Variants in RIN2 observed in about 807,000 individuals in gnomAD.
RIN2 encodes the protein RAB5 interacting protein 2.
Under a neutral mutation model 78.0 loss-of-function variants are expected in RIN2, and 36 were observed. The ratio of observed to expected loss-of-function variants is 0.46; its 90% CI spans 0.35 to 0.61. The LOEUF (loss-of-function observed/expected upper bound fraction) is 0.61, where lower values mean the gene tolerates loss of function less well. Ranked by LOEUF, RIN2 falls within the 20% of genes least tolerant of loss-of-function variation. RIN2 has a pLI of 0.00. For missense variants in RIN2, 1,087 were observed against 1,159.7 expected (o/e 0.94, Z 0.91); for synonymous variants, 466 against 466.8 (o/e 1.00, Z 0.02).
chr20:19,876,407 A>C (rs2037856132), intron 2 of RIN2, among the ~76,000 whole-genome samples: 1 of 152,214 alleles, frequency 6.6e-6, no homozygotes, highest in South Asian at 2.1e-4. Context: ...ATTCAAAAAA[A>C]GGGAAGAGGA....
chr20:19,845,418 T>C (rs1447914193), intron 2 of RIN2, among the ~76,000 whole-genome samples: 2 of 152,224 alleles, frequency 1.3e-5, no homozygotes, highest in South Asian at 4.1e-4. Context: ...TTTTTAATGA[T>C]CACCATTCTA....
Position 19,929,693 on chromosome 20 carries a change from G to A in RIN2, c.58-5406G>A, listed in dbSNP as rs1036144733. ...ACCAACTGCTATTGGCTTTGTCATG[G>A]GAAAGCTGACATTAAAACTGGCCTC... is the stretch of plus-strand genomic sequence containing the variant. On this transcript the variant is annotated intron_variant, in intron 3 of 12. Transcript: ENST00000255006. 2.6e-5 allele frequency among the ~76,000 whole-genome samples: 4 copies of A among 152,102 alleles called. 1 individual carries two copies. The South Asian group carries it at 8.3e-4, about 32-fold the overall frequency.
Position 20,000,622 on chromosome 20 carries a change from C to T in RIN2, c.2374C>T (p.Arg792Ter), listed in dbSNP as rs774575230. Residue 792 changes from arginine to a stop codon, truncating the protein, a stop_gained, in exon 13 of 13, where the codon CGA becomes TGA. Coordinates refer to ENST00000255006, the MANE Select transcript of RIN2 (RefSeq NM_018993.4). LOFTEE classifies it high-confidence loss of function. ...CCTCTTCCACCTGCAGAATTACCTC[C>T]GAGTTGCATTTCAGGAGGTCAACAG... is the stretch of plus-strand genomic sequence containing the variant. ...PSVDDFQNYL[R>*]VAFQEVNSGC... The T allele has an allele frequency of 1.9e-6, 3 of 1,595,006 alleles. No homozygotes were observed. The highest frequency in any genetic ancestry group is 1.7e-5 in the Admixed American group (1 of 59,196).
At chr20:19,769,758 G>T (rs982219121) in intron 1 of RIN2, among the ~76,000 whole-genome samples, 2 of 152,186 alleles carry the variant, frequency 1.3e-5, no homozygotes, top group African/African-American at 2.4e-5. Flanking sequence ...AGGGCCATAT[G>T]AAATCAGATA....
At chr20:19,969,268 A>ATG (rs2042030222) in intron 7 of RIN2, among the ~76,000 whole-genome samples, 1 of 152,210 alleles carries the variant, frequency 6.6e-6, no homozygotes, top group East Asian at 1.9e-4. Context: ...AATTCTCAGC[A>ATG]CGTCTCATGA....
rs754261867 is a variant in RIN2, at chr20:19,975,553, C to T, written c.1528C>T (p.Pro510Ser). 1 of 1,614,032 alleles carries T rather than the reference C, an allele frequency of 6.2e-7. No individual in the cohort carries two copies. The highest frequency in any genetic ancestry group is 2.2e-5 in the East Asian group (1 of 44,872). ...VSGVFSSFMT[P>S]EKRMVRRIAE... ...CGGGGTGTTCAGCTCCTTCATGACC[C>T]CGGAGAAGCGGATGGTCCGCAGGAT... The change falls in exon 9 of 13, where the codon CCG becomes TCG. Residue 510 changes from proline (P) to serine (S), a missense_variant. By Grantham distance (74) the Pro-to-Ser change is moderately conservative. Transcript: ENST00000255006. This position sits in a 1 kb window ranked among gnomAD's most constrained non-coding sequence, Gnocchi z 4.9.
At chr20:19,846,080 G>T (rs2123134725) in intron 2 of RIN2, among the ~76,000 whole-genome samples, 1 of 152,184 alleles carries the variant, frequency 6.6e-6, no homozygotes, top group East Asian at 1.9e-4. Context: ...CTGTTCCATT[G>T]GTCTATCTAC....
chr20:19,908,478 G>A (rs1440977212), intron 3 of RIN2, among the ~76,000 whole-genome samples: 3 of 146,350 alleles, frequency 2.0e-5, no homozygotes, highest in African/African-American at 2.5e-5. Flanking sequence ...GCCACAGAGC[G>A]AGACTCCGTC....
rs959744139 is a variant in RIN2 at position 19,764,923 on chromosome 20, T to G, written c.-163+6596T>G. 8.3e-3 allele frequency among the ~76,000 whole-genome samples: 948 copies of G among 113,832 alleles called. 19 individuals carry two copies. Among genetic ancestry groups the G allele is most frequent in the Non-Finnish European group, 0.014 (771 of 55,848 alleles). 74.7% of individuals were successfully genotyped at this position (113,832 alleles called of 152,430 possible). A position where few individuals can be genotyped will look rare whatever the true frequency, so the allele number is the denominator to read the frequency against. ...AGTCCCACTTCACTTTCTGCGTTTTTTTTTTTTTTTTTTTTTTTTTGACAG... is the reference window on the plus strand; with the variant it reads ...AGTCCCACTTCACTTTCTGCGTTTTGTTTTTTTTTTTTTTTTTTTTGACAG... On this transcript the variant is annotated intron_variant, in intron 1 of 12. Transcript: ENST00000255006.
intron 2 of RIN2, among the ~76,000 whole-genome samples, chr20:19,825,387 A>G (rs569926327): frequency 2.0e-5 from 3 of 152,312 alleles, no homozygotes; most frequent in Non-Finnish European, 4.4e-5. Context: ...ATCATTAGAT[A>G]GGTCTTTCTT....
intron 5 of RIN2, among the ~76,000 whole-genome samples, chr20:19,958,425 T>C (rs1321440457): frequency 6.6e-6 from 1 of 152,260 alleles, no homozygotes; most frequent in East Asian, 1.9e-4. Context: ...GTAGGGCACG[T>C]CCACTCTTGC....
intron 2 of RIN2, among the ~76,000 whole-genome samples, chr20:19,817,876 T>G (rs2035810728): frequency 1.3e-5 from 2 of 152,212 alleles, no homozygotes; most frequent in African/African-American, 4.8e-5. Flanking sequence ...TTAAATATAC[T>G]CATCATCATT....
At chr20:19,866,672 G>A (rs536721562) in intron 2 of RIN2, among the ~76,000 whole-genome samples, 36 of 152,068 alleles carry the variant, frequency 2.4e-4, no homozygotes, top group Non-Finnish European at 2.9e-4. Flanking sequence ...TCACCCAGGC[G>A]GGAGTGCAGT....
intron 9 of RIN2, among the ~76,000 whole-genome samples, chr20:19,976,334 G>T (rs2042278351): frequency 6.6e-6 from 1 of 152,116 alleles, no homozygotes. Flanking sequence ...TAGGGACCCC[G>T]GGCCCCCTGT....
chr20:19,760,719 ACT>A lies in RIN2; in HGVS notation c.-163+2397_-163+2398del, dbSNP rs2033604874. ...TTAATGGGAGGCCCATTCTTCACATACTCTCTGTATTATAGTGCTTTGACCTT... is the reference window on the plus strand; with the variant it reads ...TTAATGGGAGGCCCATTCTTCACATACTCTGTATTATAGTGCTTTGACCTT... On this transcript the variant is annotated intron_variant, in intron 1 of 12. Coordinates refer to ENST00000255006, the MANE Select transcript of RIN2 (RefSeq NM_018993.4). Among the ~76,000 whole-genome samples the A allele has an allele frequency of 1.3e-5, 2 of 151,846 alleles. 1 individual carries two copies. The highest frequency in any genetic ancestry group is 4.1e-4 in the South Asian group (2 of 4,822).
chr20:19,809,666 G>A (rs2035525852), intron 2 of RIN2: 1 of 152,402 alleles, frequency 6.6e-6, no homozygotes, highest in African/African-American at 2.4e-5. Flanking sequence ...CAAGGGCACA[G>A]CTGGAGAGGG....
chr20:19,816,721 T>G (rs1003751267), intron 2 of RIN2, among the ~76,000 whole-genome samples: 4 of 152,178 alleles, frequency 2.6e-5, no homozygotes, highest in Non-Finnish European at 4.4e-5. Flanking sequence ...CCTGAACATA[T>G]AGGAAGTATA....
Position 19,975,561 on chromosome 20 carries a change from G to A in RIN2, c.1536G>A (p.Lys512=). The A allele has an allele frequency of 6.2e-7, 1 of 1,614,040 alleles. No individual in the cohort carries two copies. The highest frequency in any genetic ancestry group is 8.5e-7 in the Non-Finnish European group (1 of 1,179,910). The change falls in exon 9 of 13, where the codon AAG becomes AAA. Residue 512 remains lysine (K), a synonymous_variant. Coordinates refer to ENST00000255006, the MANE Select transcript of RIN2 (RefSeq NM_018993.4). This position sits in a 1 kb window ranked among gnomAD's most constrained non-coding sequence, Gnocchi z 4.9. ...GVFSSFMTPE[K]RMVRRIAELS... Reference sequence around the variant, plus strand: ...TCAGCTCCTTCATGACCCCGGAGAAGCGGATGGTCCGCAGGATCGCCGAGC... The same window carrying A: ...TCAGCTCCTTCATGACCCCGGAGAAACGGATGGTCCGCAGGATCGCCGAGC...
At chr20:19,983,275 G>A (rs2042517197) in intron 9 of RIN2, among the ~76,000 whole-genome samples, 2 of 152,122 alleles carry the variant, frequency 1.3e-5, no homozygotes, top group Admixed American at 1.3e-4. Context: ...TACCAAGAGA[G>A]GTCTATGTGC....
Sources: gnomAD v4.1 joint callset for allele counts (sites outside exome capture counted in the v4.1 genomes callset) on GRCh38, gnomAD v4.1.1 for gene constraint, Gnocchi (gnomAD v3.1) non-coding constraint, MANE v1.5 for transcripts, NCBI Gene and HGNC (gene_info 2026-07-23, HGNC 2026-07-21) for gene names.